The following PHF14 variants were observed in gnomAD, a reference collection of about 807,000 sequenced individuals.
The protein encoded by PHF14 is PHD finger protein 14.
Under a neutral mutation model 117.9 loss-of-function variants are expected in PHF14, and 55 were observed. The observed-to-expected ratio is 0.47, with a 90% CI of 0.38 to 0.58. The LOEUF (loss-of-function observed/expected upper bound fraction) is 0.58, where lower values mean the gene tolerates loss of function less well. PHF14 is among the 20% of genes least tolerant of loss of function. The pLI, the probability that PHF14 is intolerant of heterozygous loss-of-function variation, is 0.00. For synonymous variants in PHF14, 409 were observed against 368.6 expected (o/e 1.11, Z -1.26); for missense variants, 978 against 1,122.2 (o/e 0.87, Z 1.84).
At chr7:11,162,620 T>C (rs568261948) in intron 17 of PHF14, among the ~76,000 whole-genome samples, 3 of 152,120 alleles carry the variant, frequency 2.0e-5, no homozygotes, top group African/African-American at 4.8e-5. Flanking sequence ...CAGATGGCTG[T>C]GGCAATCCTT....
chr7:11,058,097 T>C (rs182262424), intron 14 of PHF14, among the ~76,000 whole-genome samples: 1 of 152,348 alleles, frequency 6.6e-6, no homozygotes, highest in Non-Finnish European at 1.5e-5. Context: ...CATATTATTT[T>C]CATCCTACAG....
intron 16 of PHF14, among the ~76,000 whole-genome samples, chr7:11,096,737 A>T (rs1477452252): frequency 6.6e-6 from 1 of 152,182 alleles, no homozygotes; most frequent in East Asian, 1.9e-4. Context: ...TTCAAAAAGA[A>T]CTCAAGATAA....
intron 16 of PHF14, among the ~76,000 whole-genome samples, chr7:11,064,581 A>G (rs1347751576): frequency 6.6e-6 from 1 of 151,992 alleles, no homozygotes; most frequent in Non-Finnish European, 1.5e-5. Flanking sequence ...GCTCTTCAGC[A>G]GTTTTGATTT....
At chr7:11,077,460 G>C (rs1785906975) in intron 16 of PHF14, among the ~76,000 whole-genome samples, 1 of 151,866 alleles carries the variant, frequency 6.6e-6, no homozygotes. Context: ...AATTAGCCGG[G>C]TGTGGTGGCA....
At chr7:10,995,747 C>T (rs1446514579) in intron 4 of PHF14, among the ~76,000 whole-genome samples, 1 of 152,204 alleles carries the variant, frequency 6.6e-6, no homozygotes, top group Non-Finnish European at 1.5e-5. Context: ...GCCGGCGGGC[C>T]AGCACTGCTG....
intron 16 of PHF14, chr7:11,104,323 G>T: frequency 1.0e-6 from 1 of 979,222 alleles, no homozygotes; most frequent in Non-Finnish European, 1.2e-6. Flanking sequence ...ATAAGATATA[G>T]GTCCTGCAAA....
Position 11,160,336 on chromosome 7 carries a change from G to A in PHF14, c.2773-9080G>A, listed in dbSNP as rs189170056. On this transcript the variant is annotated intron_variant, in intron 17 of 17. Transcript: ENST00000634607. ...GCACCTAGGTTGATTACATGTCTTCGCTATTATGAACAGTGCTGCAGTGAA... is the reference window on the plus strand; with the variant it reads ...GCACCTAGGTTGATTACATGTCTTCACTATTATGAACAGTGCTGCAGTGAA... Among the ~76,000 whole-genome samples, 9 of 152,204 alleles carry A rather than the reference G, an allele frequency of 5.9e-5. No individual in the cohort carries two copies. The East Asian group carries it at 1.5e-3, about 26-fold the overall frequency.
At chr7:10,991,759 AT>A (rs71023881) in intron 4 of PHF14, among the ~76,000 whole-genome samples, 11 of 111,024 alleles carry the variant, frequency 9.9e-5, no homozygotes, top group South Asian at 2.9e-4. Flanking sequence ...TAATTTTTTA[AT>A]TTTTTTTTTT....
intron 17 of PHF14, among the ~76,000 whole-genome samples, chr7:11,150,425 G>A (rs1253008503): frequency 6.6e-6 from 1 of 152,102 alleles, no homozygotes; most frequent in Non-Finnish European, 1.5e-5. Flanking sequence ...CTTGAGAATG[G>A]AAATCACCTC....
Position 11,169,106 on chromosome 7 carries a change from C to G in PHF14, c.2773-310C>G, listed in dbSNP as rs1312881300. ...AGCAATTAAATTTATTGTTTTTTGT[C>G]AAGCAGTGAAGTAAAAATATCTAGC... On this transcript the variant is annotated intron_variant, in intron 17 of 17. Transcript: ENST00000634607. Among the ~76,000 whole-genome samples the G allele has an allele frequency of 2.6e-5, 4 of 151,722 alleles. No homozygotes were observed. The East Asian group carries it at 7.7e-4, about 29-fold the overall frequency.
chr7:11,042,893 T>G, intron 13 of PHF14, 79 bp downstream of exon 13: 1 of 968,714 alleles, frequency 1.0e-6, no homozygotes, highest in Non-Finnish European at 1.5e-6. Context: ...ATACTATATT[T>G]GTTCATAATA....
chr7:10,999,405 A>G (rs1236594819), intron 4 of PHF14, among the ~76,000 whole-genome samples: 1 of 152,156 alleles, frequency 6.6e-6, no homozygotes, highest in Non-Finnish European at 1.5e-5. Context: ...TGTGGTCTCA[A>G]TGTCTCACAT....
Position 11,155,458 on chromosome 7 carries a change from C to G in PHF14, c.2773-13958C>G, listed in dbSNP as rs145522506. ...CTGTGTTATTTTCCACTACTTTGCTCTTTCTCACTGGGCTTTGGCTGACTT... is the reference window on the plus strand; with the variant it reads ...CTGTGTTATTTTCCACTACTTTGCTGTTTCTCACTGGGCTTTGGCTGACTT... On this transcript the variant is annotated intron_variant, in intron 17 of 17. Transcript: ENST00000634607. Among the ~76,000 whole-genome samples, 39 of 152,308 alleles carry G rather than the reference C, an allele frequency of 2.6e-4. 1 individual carries two copies. Among genetic ancestry groups the G allele is most frequent in the African/African-American group, 9.4e-4 (39 of 41,576 alleles).
intron 16 of PHF14, among the ~76,000 whole-genome samples, chr7:11,097,289 C>T (rs1284369164): frequency 2.0e-5 from 3 of 152,048 alleles, no homozygotes; most frequent in Admixed American, 2.0e-4. Flanking sequence ...AGGACTAGAA[C>T]TTTTTAACGT....
intron 16 of PHF14, chr7:11,103,995 A>C: frequency 1.0e-6 from 1 of 985,000 alleles, no homozygotes; most frequent in Non-Finnish European, 1.2e-6. Flanking sequence ...ACTGTTGCTG[A>C]ACTCTGGCTG....
intron 4 of PHF14, 101 bp downstream of exon 4, chr7:10,990,948 A>G (rs1383032490): frequency 4.2e-6 from 3 of 721,578 alleles, no homozygotes; most frequent in Non-Finnish European, 6.6e-6. Context: ...GTTTCGGTTG[A>G]AATAATGCTA....
chr7:11,144,284 C>CCTT (rs1417159890), intron 17 of PHF14, among the ~76,000 whole-genome samples: 2 of 151,810 alleles, frequency 1.3e-5, no homozygotes, highest in African/African-American at 4.8e-5. Context: ...ATTCATGCAG[C>CCTT]CATTATGGAA....
chr7:11,008,489 C>T (rs528537586), intron 4 of PHF14, among the ~76,000 whole-genome samples: 5 of 152,152 alleles, frequency 3.3e-5, no homozygotes, highest in East Asian at 1.9e-4. Flanking sequence ...CCTGGAAGCG[C>T]GAACACTATT....
In PHF14 at chr7:11,161,725, AATATT is replaced by A. The variant is rs370529509; in HGVS notation, c.2773-7685_2773-7681del. Among the ~76,000 whole-genome samples the A allele has an allele frequency of 4.0e-3, 593 of 148,128 alleles. 7 individuals are homozygous for A. Among genetic ancestry groups the A allele is most frequent in the African/African-American group, 0.013 (527 of 40,936 alleles). The stretch of plus-strand genomic sequence containing the variant: ...AAATATTATATTTTATTTAAATAAA[AATATT>A]ATATTTTATTTAAATAAAAATATTT... On this transcript the variant is annotated intron_variant, in intron 17 of 17. Coordinates refer to ENST00000634607, the MANE Select transcript of PHF14 (RefSeq NM_001007157.2).
Sources: gnomAD v4.1 joint callset for allele counts (sites outside exome capture counted in the v4.1 genomes callset) on GRCh38, gnomAD v4.1.1 for gene constraint, MANE v1.5 for transcripts, NCBI Gene and HGNC (gene_info 2026-07-23, HGNC 2026-07-21) for gene names.